Variants in ZBTB20 observed in about 807,000 individuals in gnomAD.
ZBTB20 encodes zinc finger and BTB domain-containing protein 20.
In ZBTB20, 9 loss-of-function variants were observed where a neutral mutation model predicts 56.9. The ratio of observed to expected loss-of-function variants is 0.16; its 90% CI spans 0.10 to 0.28. The LOEUF is 0.28. ZBTB20 is among the 10% of genes least tolerant of loss of function. The pLI is 1.00. For synonymous variants in ZBTB20, 417 were observed against 420.7 expected, an observed-to-expected ratio of 0.99 and a Z score of 0.11; for missense variants, 655 against 1,003.0, an observed-to-expected ratio of 0.65 and a Z score of 4.69.
chr3:114,397,931 C>G (rs1454596768), intron 7 of ZBTB20, among the ~76,000 whole-genome samples: 1 of 152,066 alleles, frequency 6.6e-6, no homozygotes, highest in Admixed American at 6.6e-5. Context: ...TCACTGACTC[C>G]CTATCAAATG....
chr3:114,491,797 T>C (rs1379868915), intron 7 of ZBTB20, among the ~76,000 whole-genome samples: 2 of 152,142 alleles, frequency 1.3e-5, no homozygotes, highest in African/African-American at 4.8e-5. Flanking sequence ...TCATTTTCCT[T>C]TCCTTCATAG....
chr3:115,033,319 T>C (rs898467327), intron 2 of ZBTB20, among the ~76,000 whole-genome samples: 1 of 151,494 alleles, frequency 6.6e-6, no homozygotes, highest in Non-Finnish European at 1.5e-5. Flanking sequence ...CACAAAGGAA[T>C]AGAAAATCTG....
chr3:115,050,072 G>A (rs1427828932), intron 2 of ZBTB20, among the ~76,000 whole-genome samples: 1 of 151,968 alleles, frequency 6.6e-6, no homozygotes, highest in African/African-American at 2.4e-5. Flanking sequence ...TAGTGTTATG[G>A]AAATGGTATT....
chr3:114,788,383 G>A (rs900252847), intron 5 of ZBTB20, among the ~76,000 whole-genome samples: 1 of 151,976 alleles, frequency 6.6e-6, no homozygotes, highest in African/African-American at 2.4e-5. Flanking sequence ...CTAGCCCCTG[G>A]TAACCTCTAT....
At chr3:114,877,187 T>A (rs1391759771) in intron 4 of ZBTB20, among the ~76,000 whole-genome samples, 1 of 152,230 alleles carries the variant, frequency 6.6e-6, no homozygotes, top group African/African-American at 2.4e-5. Flanking sequence ...GACATACCCA[T>A]AACTACTTAA....
chr3:115,084,610 T>G (rs2082919211), intron 1 of ZBTB20, among the ~76,000 whole-genome samples: 1 of 151,976 alleles, frequency 6.6e-6, no homozygotes. Context: ...AAGAATACTT[T>G]GCATTAAGAT....
At chr3:115,037,862 C>T (rs1295734590) in intron 2 of ZBTB20, among the ~76,000 whole-genome samples, 1 of 152,136 alleles carries the variant, frequency 6.6e-6, no homozygotes, top group Non-Finnish European at 1.5e-5. Flanking sequence ...TCCTTTAAAT[C>T]TTGCCTTATT....
chr3:114,393,532 G>C (rs1392679799), intron 7 of ZBTB20, among the ~76,000 whole-genome samples: 1 of 151,878 alleles, frequency 6.6e-6, no homozygotes, highest in Non-Finnish European at 1.5e-5. Context: ...TTCCCCTTTT[G>C]CCTTAGTACA....
chr3:114,358,681 G>T (rs1267609045), intron 10 of ZBTB20, among the ~76,000 whole-genome samples: 1 of 152,154 alleles, frequency 6.6e-6, no homozygotes, highest in Non-Finnish European at 1.5e-5. Flanking sequence ...TATGAATGAA[G>T]CTGCTTTGGG....
intron 10 of ZBTB20, among the ~76,000 whole-genome samples, chr3:114,367,539 G>A (rs1487815880): frequency 2.6e-5 from 4 of 152,174 alleles, no homozygotes; most frequent in Non-Finnish European, 4.4e-5. Flanking sequence ...GATTACAGGC[G>A]TGAGCCACCA....
intron 6 of ZBTB20, among the ~76,000 whole-genome samples, chr3:114,678,666 T>C (rs2061782160): frequency 6.6e-6 from 1 of 152,214 alleles, no homozygotes; most frequent in Non-Finnish European, 1.5e-5. Context: ...TCCTGAAATT[T>C]GGTCATTAAA....
In ZBTB20 at chr3:114,945,514, G is replaced by C. The variant is rs796545590; in HGVS notation, c.-456+28852C>G. 2.8e-5 allele frequency among the ~76,000 whole-genome samples: 4 copies of C among 145,130 alleles called. 2 individuals carry two copies. Among genetic ancestry groups the C allele is most frequent in the African/African-American group, 1.1e-4 (4 of 35,738 alleles). ...GAGATAAAAGGTGTAAGTTACAGTA[G>C]AGCTCATTAGGGTAACCACTAAGAA... On this transcript the variant is annotated intron_variant, in intron 3 of 11. Coordinates refer to ENST00000675478, the MANE Select transcript of ZBTB20 (RefSeq NM_001348800.3).
chr3:114,901,948 A>G (rs1412826574), intron 3 of ZBTB20, among the ~76,000 whole-genome samples: 1 of 152,250 alleles, frequency 6.6e-6, no homozygotes. Flanking sequence ...CATGACTTTT[A>G]TAATAGGAAA....
chr3:115,063,411 G>A (rs1007388469), intron 2 of ZBTB20, among the ~76,000 whole-genome samples: 3 of 152,044 alleles, frequency 2.0e-5, no homozygotes, highest in African/African-American at 7.3e-5. Flanking sequence ...TTCTCACTGC[G>A]TCCTCACATG....
rs35063307 is a variant in ZBTB20 at position 114,787,392 on chromosome 3, CAT to C, written c.-343+13707_-343+13708del. 8.9e-3 allele frequency among the ~76,000 whole-genome samples: 1,240 copies of C among 139,170 alleles called. 66 individuals are homozygous for C. The highest frequency in any genetic ancestry group is 0.031 in the African/African-American group (1,095 of 35,340). The allele number at this position is 139,170 out of a possible 152,430, so 91.3% of individuals were successfully genotyped here. A position where few individuals can be genotyped will look rare whatever the true frequency, so the allele number is the denominator to read the frequency against. On this transcript the variant is annotated intron_variant, in intron 5 of 11. Transcript: ENST00000675478. ...ATACACACACACACACACACACACA[CAT>C]ATATATACATATATATACGTGTGTA...
chr3:114,833,533 T>C (rs918800236), intron 4 of ZBTB20, among the ~76,000 whole-genome samples: 1 of 151,936 alleles, frequency 6.6e-6, no homozygotes, highest in Non-Finnish European at 1.5e-5. Context: ...ATTTTTTTTA[T>C]TGTTTATTTT....
intron 4 of ZBTB20, among the ~76,000 whole-genome samples, chr3:114,843,347 A>G (rs531809867): frequency 6.6e-6 from 1 of 152,282 alleles, no homozygotes; most frequent in South Asian, 2.1e-4. Flanking sequence ...GGAAAGAACT[A>G]TAAGTACCTT....
chr3:114,438,436 C>CAAAAAAAAAAAA (rs10689914), intron 7 of ZBTB20, among the ~76,000 whole-genome samples: 1 of 140,730 alleles, frequency 7.1e-6, no homozygotes, highest in African/African-American at 2.6e-5. Context: ...CAAAAAAAAC[C>CAAAAAAAAAAAA]AAAAAAAAAC....
At chr3:114,636,897 T>C (rs1480680295) in intron 6 of ZBTB20, among the ~76,000 whole-genome samples, 2 of 126,878 alleles carry the variant, frequency 1.6e-5, no homozygotes, top group African/African-American at 6.1e-5. Context: ...ACTATCCATA[T>C]GCTGTTAAAA....
Sources: allele counts gnomAD v4.1 joint callset (sites outside exome capture counted in the v4.1 genomes callset), GRCh38; gene constraint gnomAD v4.1.1; transcripts MANE v1.5; gene names NCBI Gene and HGNC (gene_info 2026-07-23, HGNC 2026-07-21).